NLGN1: variants seen among roughly 807,000 people sequenced by gnomAD.
NLGN1 encodes the protein neuroligin 1.
NLGN1 carries 12 observed loss-of-function variants against 65.5 expected under a neutral mutation model. The ratio of observed to expected loss-of-function variants is 0.18; its 90% CI spans 0.12 to 0.30. The LOEUF (loss-of-function observed/expected upper bound fraction) is 0.30, where lower values mean the gene tolerates loss of function less well. Among genes scored for constraint, NLGN1 ranks in the 10% least tolerant of loss-of-function variants. NLGN1 has a pLI of 1.00. For missense variants in NLGN1, 750 were observed against 1,007.1 expected (o/e 0.74, Z 3.46); for synonymous variants, 350 against 359.5 (o/e 0.97, Z 0.30).
intron 3 of NLGN1, 85 bp from the exon 4 acceptor site, chr3:173,807,595 T>G: frequency 1.3e-6 from 2 of 1,483,174 alleles, no homozygotes; most frequent in South Asian, 2.5e-5. Flanking sequence ...TATGCCCTCT[T>G]TTCACTAAGA....
chr3:173,418,430 C>T (rs990737476), intron 1 of NLGN1, among the ~76,000 whole-genome samples: 2 of 151,860 alleles, frequency 1.3e-5, no homozygotes, highest in Admixed American at 1.3e-4. Context: ...AATGTATATT[C>T]CTAAGGTGCC....
At chr3:173,444,010 A>C (rs975556150) in intron 2 of NLGN1, among the ~76,000 whole-genome samples, 3 of 152,154 alleles carry the variant, frequency 2.0e-5, no homozygotes, top group Non-Finnish European at 2.9e-5. Context: ...GCTCCAGTCT[A>C]TTTTTTGTGA....
intron 2 of NLGN1, among the ~76,000 whole-genome samples, chr3:173,478,113 T>C (rs1005427963): frequency 2.0e-5 from 3 of 151,946 alleles, no homozygotes; most frequent in African/African-American, 7.2e-5. Flanking sequence ...CATATGTTCA[T>C]TGTAGCACTA....
At chr3:173,988,888 A>G (rs140447084) in intron 4 of NLGN1, among the ~76,000 whole-genome samples, 125 of 152,140 alleles carry the variant, frequency 8.2e-4, no homozygotes, top group Non-Finnish European at 1.6e-3. Flanking sequence ...TCTACTTACC[A>G]TCACTGTGAT....
At chr3:174,064,807 T>TA (rs1738156543) in intron 4 of NLGN1, among the ~76,000 whole-genome samples, 1 of 150,246 alleles carries the variant, frequency 6.7e-6, no homozygotes, top group African/African-American at 2.4e-5. Flanking sequence ...ATATTCAGAG[T>TA]AAAAAAAGAA....
chr3:173,833,164 T>G (rs1722928460), intron 4 of NLGN1, among the ~76,000 whole-genome samples: 1 of 152,314 alleles, frequency 6.6e-6, no homozygotes, highest in Non-Finnish European at 1.5e-5. Flanking sequence ...TTCATAGAGA[T>G]TGGCAAAGTG....
intron 4 of NLGN1, among the ~76,000 whole-genome samples, chr3:174,250,062 A>G (rs1041049213): frequency 2.6e-5 from 4 of 152,250 alleles, no homozygotes; most frequent in African/African-American, 7.2e-5. Flanking sequence ...TTCAAAAAAA[A>G]GATCATACAT....
chr3:174,144,160 G>T (rs1209129402), intron 4 of NLGN1, among the ~76,000 whole-genome samples: 1 of 152,182 alleles, frequency 6.6e-6, no homozygotes, highest in Non-Finnish European at 1.5e-5. Flanking sequence ...GTGAGAACAT[G>T]CAGTGTTTGG....
rs1226169505 is a variant in NLGN1 at position 174,074,434 on chromosome 3, A to C, written c.647-200881A>C. On this transcript the variant is annotated intron_variant, in intron 4 of 6. Coordinates refer to ENST00000457714, the Ensembl canonical transcript of NLGN1. ...TATACAAAAGGAATTATTTAATTCCAAACTGTTCTTTATAGTAATGACCAA... is the reference window on the plus strand; with the variant it reads ...TATACAAAAGGAATTATTTAATTCCCAACTGTTCTTTATAGTAATGACCAA... 2.6e-5 allele frequency among the ~76,000 whole-genome samples: 4 copies of C among 152,324 alleles called. No individual in the cohort carries two copies. The South Asian group carries it at 8.3e-4, about 32-fold the overall frequency.
intron 2 of NLGN1, among the ~76,000 whole-genome samples, chr3:173,531,443 A>T (rs1006561500): frequency 4.6e-5 from 7 of 152,128 alleles, no homozygotes; most frequent in African/African-American, 1.7e-4. Context: ...TTAGAAAAAA[A>T]TCTTTACTTC....
At chr3:174,184,754 C>T (rs6782422) in intron 4 of NLGN1, among the ~76,000 whole-genome samples, 28,863 of 152,010 alleles carry the variant, frequency 0.19, 3,057 homozygotes, top group African/African-American at 0.28. Flanking sequence ...CAGTGAGAAA[C>T]GGTGGAAGCT....
At chr3:174,113,907 C>G (rs369676251) in intron 4 of NLGN1, among the ~76,000 whole-genome samples, 2 of 152,060 alleles carry the variant, frequency 1.3e-5, no homozygotes, top group African/African-American at 4.8e-5. Flanking sequence ...TTTATAGTTA[C>G]GACGGAAATC....
chr3:173,872,271 G>A (rs1189310353), intron 4 of NLGN1, among the ~76,000 whole-genome samples: 3 of 152,220 alleles, frequency 2.0e-5, no homozygotes, highest in Non-Finnish European at 2.9e-5. Flanking sequence ...AATTGAGCAC[G>A]TGGACAATAA....
chr3:174,004,712 T>C (rs1474568740), intron 4 of NLGN1, among the ~76,000 whole-genome samples: 1 of 152,120 alleles, frequency 6.6e-6, no homozygotes, highest in African/African-American at 2.4e-5. Flanking sequence ...TCTTAAACTT[T>C]AAAATGGAAT....
chr3:173,698,218 A>G (rs1024367448), intron 3 of NLGN1, among the ~76,000 whole-genome samples: 2 of 152,200 alleles, frequency 1.3e-5, no homozygotes, highest in African/African-American at 4.8e-5. Context: ...TAGACACTCA[A>G]TAAATGAATT....
At chr3:173,708,496 A>C (rs926846639) in intron 3 of NLGN1, among the ~76,000 whole-genome samples, 6 of 152,202 alleles carry the variant, frequency 3.9e-5, no homozygotes, top group Non-Finnish European at 7.3e-5. Flanking sequence ...CTAGTAATGC[A>C]TTTGACTTTC....
intron 4 of NLGN1, among the ~76,000 whole-genome samples, chr3:174,130,020 A>G (rs1469064650): frequency 6.6e-6 from 1 of 152,234 alleles, no homozygotes; most frequent in Non-Finnish European, 1.5e-5. Context: ...GCTGCAGACC[A>G]CACTAGGAAA....
intron 2 of NLGN1, among the ~76,000 whole-genome samples, chr3:173,446,560 C>T (rs1384697297): frequency 6.6e-6 from 1 of 152,114 alleles, no homozygotes; most frequent in Non-Finnish European, 1.5e-5. Context: ...GCATGATTTA[C>T]AATCCTTTGG....
At chr3:173,764,218 A>T (rs1309363827) in intron 3 of NLGN1, among the ~76,000 whole-genome samples, 1 of 152,180 alleles carries the variant, frequency 6.6e-6, no homozygotes, top group Non-Finnish European at 1.5e-5. Flanking sequence ...GTTTTTTAAA[A>T]TAGGTCAAAA....
Sources: gnomAD v4.1 joint callset for allele counts (sites outside exome capture counted in the v4.1 genomes callset) on GRCh38, gnomAD v4.1.1 for gene constraint, MANE v1.5 for transcripts, NCBI Gene and HGNC (gene_info 2026-07-23, HGNC 2026-07-21) for gene names.